Variants in MIPEP observed in about 807,000 individuals in gnomAD.
MIPEP encodes mitochondrial intermediate peptidase.
Under a neutral mutation model 90.3 loss-of-function variants are expected in MIPEP, and 79 were observed. That is an observed-to-expected ratio of 0.87 (90% CI 0.73 to 1.05). The LOEUF is 1.05. MIPEP is among the 50% of genes least tolerant of loss of function. MIPEP has a pLI of 0.00. For synonymous variants in MIPEP, 334 were observed against 315.8 expected (o/e 1.06, Z -0.61); for missense variants, 940 against 905.6 (o/e 1.04, Z -0.49).
At chr13:23,832,558 G>A (rs1416327325) in intron 14 of MIPEP, among the ~76,000 whole-genome samples, 2 of 152,092 alleles carry the variant, frequency 1.3e-5, no homozygotes, top group African/African-American at 2.4e-5. Flanking sequence ...AGGAGAATGA[G>A]GCCACCTATA....
chr13:23,876,146 A>G (rs1376240875), intron 4 of MIPEP, among the ~76,000 whole-genome samples: 1 of 152,188 alleles, frequency 6.6e-6, no homozygotes. Flanking sequence ...ATGCTCCTCC[A>G]TGAAGTCTTA....
chr13:23,779,906 G>A (rs1210068266), intron 16 of MIPEP, among the ~76,000 whole-genome samples: 1 of 152,194 alleles, frequency 6.6e-6, no homozygotes, highest in African/African-American at 2.4e-5. Flanking sequence ...AGCGAGGCTG[G>A]GGGAGGGGCG....
intron 16 of MIPEP, among the ~76,000 whole-genome samples, chr13:23,773,003 A>G (rs1306836593): frequency 3.9e-5 from 6 of 152,202 alleles, no homozygotes; most frequent in African/African-American, 1.4e-4. Flanking sequence ...ACACCATATA[A>G]TTCACTCTTT....
intron 7 of MIPEP, among the ~76,000 whole-genome samples, chr13:23,865,708 T>C (rs7322203): frequency 0.99 from 149,333 of 150,634 alleles, 74,052 homozygotes; most frequent in Middle Eastern, 1. Flanking sequence ...CTTGCTCTGT[T>C]GCCCAGGCTG....
intron 16 of MIPEP, among the ~76,000 whole-genome samples, chr13:23,790,928 T>G (rs373458988): frequency 1.4e-4 from 22 of 152,246 alleles, no homozygotes; most frequent in African/African-American, 5.3e-4. Context: ...CACTCCATGG[T>G]TACAATCTAG....
intron 18 of MIPEP, among the ~76,000 whole-genome samples, chr13:23,740,086 A>T (rs1285728761): frequency 6.6e-6 from 1 of 152,162 alleles, no homozygotes; most frequent in Non-Finnish European, 1.5e-5. Flanking sequence ...GTCTGATGAC[A>T]TTTTTGGTTG....
intron 16 of MIPEP, among the ~76,000 whole-genome samples, chr13:23,796,065 A>ATG (rs1240865378): frequency 1.3e-5 from 2 of 152,066 alleles, no homozygotes; most frequent in East Asian, 1.9e-4. Context: ...TTATATATAT[A>ATG]TGTGTGTGTG....
At chr13:23,820,940 G>A (rs1436463870) in intron 14 of MIPEP, among the ~76,000 whole-genome samples, 1 of 152,144 alleles carries the variant, frequency 6.6e-6, no homozygotes, top group East Asian at 1.9e-4. Context: ...TGATTTCTCT[G>A]CTCCAAAACA....
chr13:23,782,884 C>A (rs1952795294), intron 16 of MIPEP, among the ~76,000 whole-genome samples: 1 of 152,168 alleles, frequency 6.6e-6, no homozygotes, highest in South Asian at 2.1e-4. Context: ...TTGACACATA[C>A]ACTCTCCCAA....
At chr13:23,841,774 C>T (rs1397630988) in intron 10 of MIPEP, among the ~76,000 whole-genome samples, 2 of 152,168 alleles carry the variant, frequency 1.3e-5, no homozygotes, top group African/African-American at 4.8e-5. Flanking sequence ...ATTAAGCAGT[C>T]TCAACTGCTC....
chr13:23,822,858 A>C (rs565728765), intron 14 of MIPEP, among the ~76,000 whole-genome samples: 1 of 151,922 alleles, frequency 6.6e-6, no homozygotes, highest in South Asian at 2.1e-4. Flanking sequence ...TGTGAAGTCC[A>C]AAGCAAGTAG....
intron 14 of MIPEP, among the ~76,000 whole-genome samples, chr13:23,828,868 C>T (rs539830484): frequency 6.6e-6 from 1 of 152,234 alleles, no homozygotes; most frequent in Non-Finnish European, 1.5e-5. Context: ...TTTTGAAGAA[C>T]AAATCGAGGA....
chr13:23,755,506 C>T (rs1483084625), intron 18 of MIPEP, among the ~76,000 whole-genome samples: 1 of 152,256 alleles, frequency 6.6e-6, no homozygotes, highest in Non-Finnish European at 1.5e-5. Context: ...AATGAAAACA[C>T]TTCTCCAATA....
In MIPEP at chr13:23,851,040, C is replaced by G. The variant is rs116625590; in HGVS notation, c.1106+7820G>C. Reference sequence around the variant, plus strand: ...CGATGAAAGGAAAGTGGCCAGACAGCCATTTGCTTTGCCTAAGGAGCTTTT... The same window carrying G: ...CGATGAAAGGAAAGTGGCCAGACAGGCATTTGCTTTGCCTAAGGAGCTTTT... On this transcript the variant is annotated intron_variant, in intron 10 of 18. Coordinates refer to ENST00000382172, the MANE Select transcript of MIPEP (RefSeq NM_005932.4). 4.1e-3 allele frequency among the ~76,000 whole-genome samples: 618 copies of G among 152,316 alleles called. 8 individuals are homozygous for G. Among genetic ancestry groups the G allele is most frequent in the African/African-American group, 0.014 (587 of 41,562 alleles).
chr13:23,788,394 C>T (rs1032753722), intron 16 of MIPEP, among the ~76,000 whole-genome samples: 1 of 152,186 alleles, frequency 6.6e-6, no homozygotes, highest in African/African-American at 2.4e-5. Context: ...TCAGTGGGCC[C>T]GTCTCGCACT....
chr13:23,771,806 T>A (rs1952654760), intron 16 of MIPEP, among the ~76,000 whole-genome samples: 1 of 152,168 alleles, frequency 6.6e-6, no homozygotes, highest in African/African-American at 2.4e-5. Flanking sequence ...TTCACTCAAC[T>A]TCCTTGGTTT....
chr13:23,767,994 C>A (rs1303693459), intron 16 of MIPEP, among the ~76,000 whole-genome samples: 1 of 152,116 alleles, frequency 6.6e-6, no homozygotes, highest in Non-Finnish European at 1.5e-5. Context: ...TGTGGCTGTG[C>A]GACTATATTC....
intron 5 of MIPEP, among the ~76,000 whole-genome samples, chr13:23,872,966 CA>C (rs1293650945): frequency 6.6e-6 from 1 of 152,190 alleles, no homozygotes; most frequent in Non-Finnish European, 1.5e-5. Flanking sequence ...CATTAAAAAA[CA>C]TGATCCACGT....
At chr13:23,838,370 A>G (rs996398362) in intron 12 of MIPEP, among the ~76,000 whole-genome samples, 1 of 151,286 alleles carries the variant, frequency 6.6e-6, no homozygotes. Context: ...CTGGTCTTGA[A>G]CTCCTGGACT....
Sources: allele counts gnomAD v4.1 joint callset (sites outside exome capture counted in the v4.1 genomes callset), GRCh38; gene constraint gnomAD v4.1.1; transcripts MANE v1.5; gene names NCBI Gene and HGNC (gene_info 2026-07-23, HGNC 2026-07-21).